The following AP3S2 variants were observed in gnomAD, a reference collection of about 807,000 sequenced individuals.
AP3S2 encodes AP-3 complex subunit sigma-2.
In AP3S2, 22 loss-of-function variants were observed where a neutral mutation model predicts 23.4. The ratio of observed to expected loss-of-function variants is 0.94; its 90% CI spans 0.67 to 1.34. AP3S2 has a LOEUF of 1.34. Ranked by LOEUF, AP3S2 falls within the 40% of genes most tolerant of loss-of-function variation. The pLI, the probability that AP3S2 is intolerant of heterozygous loss-of-function variation, is 0.00. For synonymous variants in AP3S2, 86 were observed against 87.1 expected, an observed-to-expected ratio of 0.99 and a Z score of 0.07; for missense variants, 241 against 236.9, an observed-to-expected ratio of 1.02 and a Z score of -0.11.
At chr15:89,892,623 A>G (rs1462908618) in intron 1 of AP3S2, among the ~76,000 whole-genome samples, 1 of 152,196 alleles carries the variant, frequency 6.6e-6, no homozygotes, top group Non-Finnish European at 1.5e-5. Context: ...GCAAATACAA[A>G]TAGTTACGCT....
chr15:89,843,730 C>T lies in AP3S2; in HGVS notation c.346-6008G>A, dbSNP rs1317404885. Among the ~76,000 whole-genome samples the T allele has an allele frequency of 2.0e-5, 3 of 152,144 alleles. No homozygotes were observed. In the East Asian group the frequency reaches 5.8e-4, roughly 29 times the overall value. On this transcript the variant is annotated intron_variant, in intron 4 of 5. Transcript: ENST00000336418. ...GGCTGGGGCAGGAGAATCGCCTGAACCCAGGAGGAGGAGGTTACAGTGAGC... is the reference window on the plus strand; with the variant it reads ...GGCTGGGGCAGGAGAATCGCCTGAATCCAGGAGGAGGAGGTTACAGTGAGC...
chr15:89,881,674 C>T (rs750694705), intron 3 of AP3S2, among the ~76,000 whole-genome samples: 26 of 152,090 alleles, frequency 1.7e-4, no homozygotes, highest in Admixed American at 2.0e-4. Flanking sequence ...TAAACCCACA[C>T]GTGGAAAAAG....
rs1206775109 is a variant in AP3S2 at position 89,869,379 on chromosome 15, C to T, written c.345+2096G>A. 4.0e-5 allele frequency among the ~76,000 whole-genome samples: 6 copies of T among 148,664 alleles called. No homozygotes were observed. In the South Asian group the frequency reaches 6.6e-4, roughly 16 times the overall value. On this transcript the variant is annotated intron_variant, in intron 4 of 5. Transcript: ENST00000336418. ...AACAGATGCTTGAAGGCAGCATGCG[C>T]GTTAAGAGTCATCACCAATCCCTAA... is the stretch of plus-strand genomic sequence containing the variant.
intron 3 of AP3S2, among the ~76,000 whole-genome samples, chr15:89,874,121 T>G (rs935198584): frequency 1.6e-5 from 1 of 63,672 alleles, no homozygotes; most frequent in Non-Finnish European, 3.2e-5. Context: ...AAGAATAGGG[T>G]TTTGGGTTTT....
At chr15:89,847,459 TA>T (rs973659000) in intron 4 of AP3S2, among the ~76,000 whole-genome samples, 2 of 80,750 alleles carry the variant, frequency 2.5e-5, no homozygotes, top group African/African-American at 9.5e-5. Flanking sequence ...AGAAGAAAAA[TA>T]AAAGTGTTTC....
At chr15:89,885,403 A>C (rs1896673832) in intron 3 of AP3S2, among the ~76,000 whole-genome samples, 1 of 151,924 alleles carries the variant, frequency 6.6e-6, no homozygotes, top group Non-Finnish European at 1.5e-5. Flanking sequence ...AAGTTTCACC[A>C]TGTTGGTCAG....
intron 3 of AP3S2, chr15:89,886,684 C>G (rs972481961): frequency 6.6e-6 from 1 of 152,240 alleles, no homozygotes; most frequent in Non-Finnish European, 1.5e-5. Context: ...CTGCTACATA[C>G]AGTTAACAGT....
chr15:89,853,991 G>A lies in AP3S2; in HGVS notation c.346-16269C>T, dbSNP rs1195447643. On this transcript the variant is annotated intron_variant, in intron 4 of 5. Coordinates refer to ENST00000336418, the MANE Select transcript of AP3S2 (RefSeq NM_005829.5). ...TGGGAAGTGAGGAGCGTCTCCGCCC[G>A]GCAGCCACCCCGTCCGGGAGGGACG... is the stretch of plus-strand genomic sequence containing the variant. Among the ~76,000 whole-genome samples the A allele has an allele frequency of 1.2e-4, 6 of 49,698 alleles. 1 individual carries two copies. The highest frequency in any genetic ancestry group is 8.6e-4 in the East Asian group (1 of 1,166). The allele number at this position is 49,698 out of a possible 152,430, so 32.6% of individuals were successfully genotyped here.
At chr15:89,874,403 A>C (rs915047219) in intron 3 of AP3S2, among the ~76,000 whole-genome samples, 5 of 152,224 alleles carry the variant, frequency 3.3e-5, no homozygotes, top group Non-Finnish European at 7.3e-5. Context: ...TTTGTGTGAG[A>C]AACAAGGCTG....
At chr15:89,844,287 C>A (rs1346338798) in intron 4 of AP3S2, among the ~76,000 whole-genome samples, 1 of 120,292 alleles carries the variant, frequency 8.3e-6, no homozygotes, top group African/African-American at 2.8e-5. Context: ...CTCTCTCTTT[C>A]TTTCTTTACT....
chr15:89,882,200 GT>G (rs1226585130), intron 3 of AP3S2, among the ~76,000 whole-genome samples: 7 of 152,026 alleles, frequency 4.6e-5, no homozygotes, highest in African/African-American at 1.7e-4. Context: ...CAGGCATTCT[GT>G]TTTTAGCAGA....
chr15:89,874,770 A>G (rs1244675853), intron 3 of AP3S2, among the ~76,000 whole-genome samples: 5 of 152,238 alleles, frequency 3.3e-5, no homozygotes, highest in Admixed American at 2.0e-4. Context: ...TGACATACCA[A>G]GACCTTGTCT....
chr15:89,858,950 A>G (rs1442898855), intron 4 of AP3S2, among the ~76,000 whole-genome samples: 1 of 152,210 alleles, frequency 6.6e-6, no homozygotes, highest in Non-Finnish European at 1.5e-5. Context: ...TCAAGTAAGG[A>G]AAGCGAGTGT....
chr15:89,882,438 C>T (rs866216408), intron 3 of AP3S2, among the ~76,000 whole-genome samples: 16 of 151,798 alleles, frequency 1.1e-4, no homozygotes, highest in Admixed American at 8.5e-4. Flanking sequence ...CCACCACAAC[C>T]CCCGCCTCCT....
chr15:89,871,361 T>C, intron 4 of AP3S2, 114 bp downstream of exon 4: 1 of 990,306 alleles, frequency 1.0e-6, no homozygotes. Flanking sequence ...TAGGACTATC[T>C]TAAGAGTAAA....
chr15:89,858,493 AAGAGAG>A (rs143172663), intron 4 of AP3S2, among the ~76,000 whole-genome samples: 251 of 60,256 alleles, frequency 4.2e-3, no homozygotes, highest in Admixed American at 0.011. Flanking sequence ...GAAAGAAAGA[AAGAGAG>A]AGAGAGAGAG....
At chr15:89,854,430 C>CGGGA (rs1895756987) in intron 4 of AP3S2, among the ~76,000 whole-genome samples, 1 of 20,582 alleles carries the variant, frequency 4.9e-5, no homozygotes, top group African/African-American at 1.8e-4. Context: ...CCGCCCCGTC[C>CGGGA]GGGAGGTGAG....
chr15:89,888,616 C>CA lies in AP3S2; in HGVS notation c.177dup (p.Asp60Ter). ...TAGTGCCGGTAGATCAGTTTGTAGT[C>CA]AGAGCCACCAATCAAACTGCAGAAG... is the stretch of plus-strand genomic sequence containing the variant. On this transcript the variant is annotated frameshift_variant, in exon 3 of 6. Coordinates refer to ENST00000336418, the MANE Select transcript of AP3S2 (RefSeq NM_005829.5). LOFTEE classifies it high-confidence loss of function. 1 of 1,614,182 alleles carries CA rather than the reference C, an allele frequency of 6.2e-7. No homozygotes were observed. Among genetic ancestry groups the CA allele is most frequent in the South Asian group, 1.1e-5 (1 of 91,076 alleles).
intron 4 of AP3S2, among the ~76,000 whole-genome samples, chr15:89,863,040 T>G (rs1265399861): frequency 6.6e-6 from 1 of 151,764 alleles, no homozygotes; most frequent in African/African-American, 2.4e-5. Context: ...GGGAAAAGAA[T>G]AGGAAAGAAA....
Sources: gnomAD v4.1 joint callset for allele counts (sites outside exome capture counted in the v4.1 genomes callset) on GRCh38, gnomAD v4.1.1 for gene constraint, MANE v1.5 for transcripts, NCBI Gene and HGNC (gene_info 2026-07-23, HGNC 2026-07-21) for gene names.